The following FDFT1 variants were observed in gnomAD, a reference collection of about 807,000 sequenced individuals.
FDFT1 encodes the protein farnesyl-diphosphate farnesyltransferase 1, also known as squalene synthase.
In FDFT1, 68 loss-of-function variants were observed where a neutral mutation model predicts 46.8. The observed-to-expected ratio is 1.45, with a 90% CI of 1.19 to 1.78. The LOEUF is 1.78. FDFT1 is among the 40% of genes most tolerant of loss of function. The pLI, the probability that FDFT1 is intolerant of heterozygous loss-of-function variation, is 0.00. For synonymous variants in FDFT1, 351 were observed against 185.1 expected (o/e 1.90, Z -7.28); for missense variants, 928 against 524.4 (o/e 1.77, Z -7.52).
chr8:11,815,010 C>A (rs949764893), intron 3 of FDFT1, among the ~76,000 whole-genome samples: 1 of 152,074 alleles, frequency 6.6e-6, no homozygotes, highest in Non-Finnish European at 1.5e-5. Flanking sequence ...TAATGCTATC[C>A]CTCCCTTGGC....
chr8:11,820,999 G>C (rs1051449435), intron 3 of FDFT1, among the ~76,000 whole-genome samples: 1 of 152,194 alleles, frequency 6.6e-6, no homozygotes, highest in Admixed American at 6.5e-5. Context: ...GGGACATCTT[G>C]GAAGCAACTC....
chr8:11,810,181 C>T (rs929065883), intron 3 of FDFT1, among the ~76,000 whole-genome samples: 2 of 151,674 alleles, frequency 1.3e-5, no homozygotes, highest in East Asian at 3.8e-4. Context: ...AGAATGTTAG[C>T]TACTGCTGTT....
At chr8:11,833,283 G>A (rs1315171633) in intron 7 of FDFT1, among the ~76,000 whole-genome samples, 2 of 152,194 alleles carry the variant, frequency 1.3e-5, no homozygotes, top group Non-Finnish European at 2.9e-5. Flanking sequence ...GGAAACTTGA[G>A]GCCCCAGCCT....
chr8:11,807,498 A>G (rs921950783), intron 1 of FDFT1, among the ~76,000 whole-genome samples: 3 of 152,000 alleles, frequency 2.0e-5, no homozygotes, highest in Non-Finnish European at 4.4e-5. Flanking sequence ...TCCCAAAAAG[A>G]ACTGTTGTAA....
intron 3 of FDFT1, among the ~76,000 whole-genome samples, chr8:11,821,217 G>C (rs1256738879): frequency 6.6e-6 from 1 of 152,230 alleles, no homozygotes; most frequent in Non-Finnish European, 1.5e-5. Context: ...TGTGTAGTGA[G>C]ACTTTGAATC....
At chr8:11,822,793 G>C (rs182531270) in intron 4 of FDFT1, among the ~76,000 whole-genome samples, 1 of 152,200 alleles carries the variant, frequency 6.6e-6, no homozygotes, top group Non-Finnish European at 1.5e-5. Flanking sequence ...TCCAACGTGG[G>C]TGACAGAGCA....
intron 3 of FDFT1, 68 bp from the exon 4 acceptor site, chr8:11,821,682 C>CT: frequency 6.4e-7 from 1 of 1,559,332 alleles, no homozygotes; most frequent in Non-Finnish European, 8.8e-7. Flanking sequence ...CATTGTTTGC[C>CT]TTGTGATCTT....
rs577898527 is a variant in FDFT1 at position 11,833,775 on chromosome 8, A to C, written c.1032+2105A>C. 2.5e-4 allele frequency among the ~76,000 whole-genome samples: 38 copies of C among 152,254 alleles called. 1 individual carries two copies. Among genetic ancestry groups the C allele is most frequent in the African/African-American group, 8.2e-4 (34 of 41,548 alleles). ...GGCGATGACTTGTAAAGCTGAAAAT[A>C]TTTTTTGGCCCTTGAATAAGAGGTT... is the stretch of plus-strand genomic sequence containing the variant. On this transcript the variant is annotated intron_variant, in intron 7 of 7. Coordinates refer to ENST00000220584, the MANE Select transcript of FDFT1 (RefSeq NM_004462.5).
At chr8:11,826,893 C>T (rs761075050) in intron 5 of FDFT1, among the ~76,000 whole-genome samples, 10 of 152,150 alleles carry the variant, frequency 6.6e-5, no homozygotes, top group Admixed American at 2.0e-4. Flanking sequence ...TCTCTGGCCT[C>T]GCCTGGATTA....
At chr8:11,808,251 T>C in intron 1 of FDFT1, 1 of 1,205,586 alleles carries the variant, frequency 8.3e-7, no homozygotes, top group East Asian at 3.4e-5. Flanking sequence ...AGGGAGACTC[T>C]GTCACTGGGA....
chr8:11,808,388 G>T, intron 1 of FDFT1: 5 of 1,234,106 alleles, frequency 4.1e-6, no homozygotes, highest in Non-Finnish European at 4.0e-6. Flanking sequence ...GCGGGGCTGC[G>T]GGGCGGGCCC....
intron 1 of FDFT1, chr8:11,808,560 A>T: frequency 4.4e-6 from 6 of 1,366,746 alleles, no homozygotes; most frequent in Non-Finnish European, 5.6e-6. Flanking sequence ...GGCCCTCTTC[A>T]AGCGCACCTT....
chr8:11,825,737 G>A (rs1809880226), intron 4 of FDFT1, among the ~76,000 whole-genome samples: 1 of 151,408 alleles, frequency 6.6e-6, no homozygotes, highest in Non-Finnish European at 1.5e-5. Context: ...GTTTTTTTCA[G>A]TAGCCTTTTA....
At chr8:11,823,722 C>T (rs774370485) in intron 4 of FDFT1, among the ~76,000 whole-genome samples, 2 of 152,108 alleles carry the variant, frequency 1.3e-5, no homozygotes, top group Non-Finnish European at 2.9e-5. Flanking sequence ...GGCACGTTGC[C>T]ACCATGCCTG....
In FDFT1 at chr8:11,838,864, G is replaced by T; in HGVS notation, c.*255G>T. ...CTTGTGGCTCATGGCAGAGCATTCA[G>T]TGCCACGGTTTAGGTGAAGTCGCTG... On this transcript the variant is annotated 3_prime_UTR_variant, in exon 8 of 8. Transcript: ENST00000220584. The T allele has an allele frequency of 2.0e-6, 1 of 495,306 alleles. No homozygotes were observed. The highest frequency in any genetic ancestry group is 3.6e-6 in the Non-Finnish European group (1 of 274,606). 30.7% of individuals were successfully genotyped at this position (495,306 alleles called of 1,614,324 possible). A position where few individuals can be genotyped will look rare whatever the true frequency, so the allele number is the denominator to read the frequency against.
Position 11,831,530 on chromosome 8 carries a change from G to T in FDFT1, c.892G>T (p.Ala298Ser), listed in dbSNP as rs1343934469. ...FCAIPQVMAIATLAACYNNQQ... is the reference protein window; with the variant it reads ...FCAIPQVMAISTLAACYNNQQ... ...TTGTTGTCTCTAGGTGATGGCCATTGCCACTTTGGCTGCCTGTTATAATAA... is the reference window on the plus strand; with the variant it reads ...TTGTTGTCTCTAGGTGATGGCCATTTCCACTTTGGCTGCCTGTTATAATAA... Residue 298 changes from alanine to serine, a missense_variant, in exon 7 of 8, where the codon GCC (alanine) becomes TCC (serine). By Grantham distance (99) the Ala-to-Ser change is moderately conservative. Coordinates refer to ENST00000220584, the MANE Select transcript of FDFT1 (RefSeq NM_004462.5). The T allele has an allele frequency of 6.2e-7, 1 of 1,613,878 alleles. No homozygotes were observed. Among genetic ancestry groups the T allele is most frequent in the Non-Finnish European group, 8.5e-7 (1 of 1,179,918 alleles).
Position 11,796,449 on chromosome 8 carries a change from C to T in FDFT1, c.-94+438C>T, listed in dbSNP as rs543883927. ...CTGAACATGGTAGAAGTACTGAGGT[C>T]TGTGAAAGTAAAGATCAGCCCAATG... On this transcript the variant is annotated intron_variant, in intron 1 of 7. Coordinates refer to the FDFT1 transcript ENST00000538689. 9.2e-5 allele frequency among the ~76,000 whole-genome samples: 14 copies of T among 152,288 alleles called. No individual in the cohort carries two copies. The South Asian group carries it at 2.5e-3, about 27-fold the overall frequency.
At chr8:11,802,953 G>T (rs775994152) in intron 1 of FDFT1, 22 bp downstream of exon 1, 15 of 1,580,208 alleles carry the variant, frequency 9.5e-6, no homozygotes, top group East Asian at 9.2e-5. Flanking sequence ...CTCCCTGCTT[G>T]CCCGGGGCGG....
chr8:11,798,718 A>C (rs1450679706), upstream of FDFT1, among the ~76,000 whole-genome samples: 4 of 152,216 alleles, frequency 2.6e-5, no homozygotes, highest in African/African-American at 9.6e-5. Flanking sequence ...TACGCAGCTC[A>C]ATTCAATAAA....
Sources: allele counts gnomAD v4.1 joint callset (sites outside exome capture counted in the v4.1 genomes callset), GRCh38; gene constraint gnomAD v4.1.1; transcripts MANE v1.5; gene names NCBI Gene and HGNC (gene_info 2026-07-23, HGNC 2026-07-21).